Variants in GLYCTK observed in about 807,000 individuals in gnomAD.
GLYCTK encodes HBeAg binding protein 4.
GLYCTK carries 22 observed loss-of-function variants against 24.8 expected under a neutral mutation model. The observed-to-expected ratio is 0.89, with a 90% CI of 0.63 to 1.27. The LOEUF (loss-of-function observed/expected upper bound fraction) is 1.27. Among genes scored for constraint, GLYCTK ranks in the 50% most tolerant of loss-of-function variants. The pLI is 0.00. For synonymous variants in GLYCTK, 320 were observed against 297.2 expected (o/e 1.08, Z -0.79); for missense variants, 684 against 686.7 (o/e 1.00, Z 0.04).
rs778463102 is a variant in GLYCTK, at chr3:52,291,905, G to A, written c.688G>A (p.Ala230Thr). ...SQLKGGGLAQ[A>T]AYPAQVVSLI... ...GCTCAAGGGTGGGGGGCTGGCTCAG[G>A]CCGCCTACCCTGCCCAGGTATGAGT... is the stretch of plus-strand genomic sequence containing the variant. Residue 230 changes from alanine to threonine, a missense_variant, in exon 4 of 5, where the codon GCC (alanine) becomes ACC (threonine). Coordinates refer to ENST00000436784, the MANE Select transcript of GLYCTK (RefSeq NM_145262.4). 12 of 1,612,996 alleles carry A rather than the reference G, an allele frequency of 7.4e-6. No individual in the cohort carries two copies. The Admixed American group carries it at 2.0e-4, about 27-fold the overall frequency.
In GLYCTK at chr3:52,292,567, A is replaced by G. The variant is rs1265328589; in HGVS notation, c.1013A>G (p.Gln338Arg). ...YQAVVLSAAMQGDVKSMAQFY... is the reference protein window; with the variant it reads ...YQAVVLSAAMRGDVKSMAQFY... ...GCTGTGGTGCTGAGTGCAGCCATGC[A>G]AGGTGATGTAAAAAGTATGGCCCAG... The change falls in exon 5 of 5, where the codon CAA becomes CGA. Residue 338 changes from glutamine (Q) to arginine (R), a missense_variant. Gln to Arg is a conservative substitution (Grantham distance 43). Coordinates refer to ENST00000436784, the MANE Select transcript of GLYCTK (RefSeq NM_145262.4). 2 of 1,613,892 alleles carry G rather than the reference A, an allele frequency of 1.2e-6. No homozygotes were observed. The highest frequency in any genetic ancestry group is 1.7e-6 in the Non-Finnish European group (2 of 1,180,012).
At position 52,290,316 on chromosome 3, in the gene GLYCTK, G is replaced by T; in HGVS notation, c.-27G>T. On this transcript the variant is annotated 5_prime_UTR_variant, in exon 2 of 5. Coordinates refer to ENST00000436784, the MANE Select transcript of GLYCTK (RefSeq NM_145262.4). ...TTTTTCCCTCTAGGCAGCCATGGGTGCCAGGCAGTGCTGAGAGCAGTGGGG... is the reference window on the plus strand; with the variant it reads ...TTTTTCCCTCTAGGCAGCCATGGGTTCCAGGCAGTGCTGAGAGCAGTGGGG... 3.1e-6 allele frequency: 5 copies of T among 1,591,680 alleles called. No homozygotes were observed. The highest frequency in any genetic ancestry group is 4.3e-6 in the Non-Finnish European group (5 of 1,175,968).
At position 52,292,477 on chromosome 3, in the gene GLYCTK, T is replaced by C. The variant is rs1412546818; in HGVS notation, c.923T>C (p.Ile308Thr). ...ACCTGTGGCCATGTCCTGAATGTGATCATTGGCTCTAATGTGCTGGCGCTA... is the reference window on the plus strand; with the variant it reads ...ACCTGTGGCCATGTCCTGAATGTGACCATTGGCTCTAATGTGCTGGCGCTA... ...PHTCGHVLNV[I>T]IGSNVLALAE... The change falls in exon 5 of 5, where the codon ATC becomes ACC. Residue 308 changes from isoleucine to threonine, a missense_variant. Coordinates refer to ENST00000436784, the MANE Select transcript of GLYCTK (RefSeq NM_145262.4). 5 of 1,613,052 alleles carry C rather than the reference T, an allele frequency of 3.1e-6. No individual in the cohort carries two copies.
intron 2 of GLYCTK, 55 bp downstream of exon 2, chr3:52,290,774 C>A: frequency 6.3e-7 from 1 of 1,597,764 alleles, no homozygotes; most frequent in South Asian, 1.1e-5. Context: ...AAACCTGGGC[C>A]CAGACACAGG....
At chr3:52,291,694 G>A (rs1578028113) in intron 3 of GLYCTK, 53 bp from the exon 4 acceptor site, 1 of 1,570,126 alleles carries the variant, frequency 6.4e-7, no homozygotes, top group Non-Finnish European at 8.8e-7. Context: ...CTGCTTGCCT[G>A]GTTCCCTGGG....
Position 52,290,498 on chromosome 3 carries a change from C to T in GLYCTK, c.156C>T (p.Gly52=). 6.2e-7 allele frequency: 1 copy of T among 1,613,414 alleles called. No homozygotes were observed. The highest frequency in any genetic ancestry group is 8.5e-7 in the Non-Finnish European group (1 of 1,180,016). The part of the protein sequence containing the change: ...FESAVGAVLP[G]PMLHRALSLD... Reference sequence around the variant, plus strand: ...GTGCTGTAGGTGCAGTGCTGCCGGGCCCCATGCTGCACCGGGCACTATCCT... The same window carrying T: ...GTGCTGTAGGTGCAGTGCTGCCGGGTCCCATGCTGCACCGGGCACTATCCT... Residue 52 remains glycine, a synonymous_variant, in exon 2 of 5, where the codon GGC becomes GGT. Transcript: ENST00000436784.
intron 1 of GLYCTK, chr3:52,288,520 A>T (rs1700359965): frequency 6.6e-6 from 1 of 152,300 alleles, no homozygotes; most frequent in African/African-American, 2.4e-5. Flanking sequence ...ACGTCCAGTT[A>T]AATTTGAGTT....
chr3:52,294,028 A>T lies in GLYCTK; in HGVS notation c.*902A>T. The T allele has an allele frequency of 7.0e-6, 3 of 428,540 alleles. No individual in the cohort carries two copies. The highest frequency in any genetic ancestry group is 5.0e-5 in the South Asian group (3 of 60,192). 26.5% of individuals were successfully genotyped at this position (428,540 alleles called of 1,614,324 possible). A position where few individuals can be genotyped will look rare whatever the true frequency, so the allele number is the denominator to read the frequency against. On this transcript the variant is annotated 3_prime_UTR_variant, in exon 5 of 5. Coordinates refer to ENST00000436784, the MANE Select transcript of GLYCTK (RefSeq NM_145262.4). ...CTTCAGTGGGGGTCCCAGCACTGGG[A>T]TGGTGGGTCCAGCCAGTGATGAGGT...
Position 52,291,756 on chromosome 3 carries a change from C to T in GLYCTK, c.539C>T (p.Ser180Leu). ...CTCATTGTCTTGAGAGGTGGGGGTT[C>T]AGCTCTGCTGCCTGCCCCCATCCCA... is the stretch of plus-strand genomic sequence containing the variant. Reference protein sequence around the residue: ...LLLVLISGGGSALLPAPIPPV... With the variant: ...LLLVLISGGGLALLPAPIPPV... The change falls in exon 4 of 5, where the codon TCA (serine) becomes TTA (leucine). Residue 180 changes from serine (S) to leucine (L), a missense_variant. Ser to Leu is a moderately radical substitution (Grantham distance 145, BLOSUM62 -2). Transcript: ENST00000436784. The T allele has an allele frequency of 6.2e-7, 1 of 1,613,520 alleles. No homozygotes were observed. The highest frequency in any genetic ancestry group is 8.5e-7 in the Non-Finnish European group (1 of 1,179,980).
rs759478778 is a variant in GLYCTK at position 52,292,609 on chromosome 3, C to G, written c.1055C>G (p.Ala352Gly). Reference protein sequence around the residue: ...KSMAQFYGLLAHVARTRLTPS... With the variant: ...KSMAQFYGLLGHVARTRLTPS... ...ATGGCCCAGTTCTACGGGCTGCTGG[C>G]CCATGTGGCTAGAACCCGCCTCACC... The change falls in exon 5 of 5, where the codon GCC becomes GGC. Residue 352 changes from alanine to glycine, a missense_variant. Coordinates refer to ENST00000436784, the MANE Select transcript of GLYCTK (RefSeq NM_145262.4). 10 of 1,613,264 alleles carry G rather than the reference C, an allele frequency of 6.2e-6. No individual in the cohort carries two copies. In the Admixed American group the frequency reaches 1.0e-4, roughly 16 times the overall value.
At chr3:52,290,279 C>T in intron 1 of GLYCTK, 25 bp from the exon 2 acceptor site, 1 of 1,564,860 alleles carries the variant, frequency 6.4e-7, no homozygotes, top group Non-Finnish European at 8.6e-7. Context: ...CTTGCAAGGG[C>T]CTCAGTTGTG....
Position 52,290,532 on chromosome 3 carries a change from G to A in GLYCTK, c.190G>A (p.Gly64Ser). The A allele has an allele frequency of 6.2e-7, 1 of 1,613,628 alleles. No individual in the cohort carries two copies. Among genetic ancestry groups the A allele is most frequent in the Non-Finnish European group, 8.5e-7 (1 of 1,180,016 alleles). Residue 64 changes from glycine to serine, a missense_variant, in exon 2 of 5, where the codon GGT becomes AGT. Physicochemically the swap from Gly to Ser is moderately conservative, Grantham distance 56. Transcript: ENST00000436784. The part of the protein sequence containing the change: ...MLHRALSLDP[G>S]GRQLKVRDRN... ...GCACCGGGCACTATCCTTGGACCCT[G>A]GTGGCAGACAGCTGAAGGTGCGGGA... is the stretch of plus-strand genomic sequence containing the variant.
In GLYCTK at chr3:52,293,332, C is replaced by A. The variant is rs1338242500; in HGVS notation, c.*206C>A. 7 of 709,094 alleles carry A rather than the reference C, an allele frequency of 9.9e-6. No homozygotes were observed. The highest frequency in any genetic ancestry group is 1.8e-5 in the Non-Finnish European group (7 of 392,716). 43.9% of individuals were successfully genotyped at this position (709,094 alleles called of 1,614,324 possible). On this transcript the variant is annotated 3_prime_UTR_variant, in exon 5 of 5. Coordinates refer to ENST00000436784, the MANE Select transcript of GLYCTK (RefSeq NM_145262.4). ...CCAGACTGGCAGATGGGGGCTTCCC[C>A]CTACCCCTGAGGATGAGGACAAGCC...
chr3:52,291,500 C>T (rs1400569999), intron 3 of GLYCTK: 5 of 588,826 alleles, frequency 8.5e-6, no homozygotes, highest in Non-Finnish European at 1.5e-5. Context: ...CCTGCCCTGC[C>T]TCCTGTTCTA....
Position 52,290,408 on chromosome 3 carries a change from G to T in GLYCTK, c.66G>T (p.Arg22=), listed in dbSNP as rs774738815. The change falls in exon 2 of 5, where the codon CGG becomes CGT. Residue 22 remains arginine (R), a synonymous_variant. Transcript: ENST00000436784. ...ARAPLHPLLW[R]GSVARLASSM... ...CCCCCTTGCATCCACTCCTCTGGCGGGGCTCAGTGGCCCGTCTGGCCAGCA... is the reference window on the plus strand; with the variant it reads ...CCCCCTTGCATCCACTCCTCTGGCGTGGCTCAGTGGCCCGTCTGGCCAGCA... 2 of 1,609,624 alleles carry T rather than the reference G, an allele frequency of 1.2e-6. No individual in the cohort carries two copies. The highest frequency in any genetic ancestry group is 8.5e-7 in the Non-Finnish European group (1 of 1,179,944).
rs1221672728 is a variant in GLYCTK, at chr3:52,292,794, C to T, written c.1240C>T (p.Leu414=). Residue 414 remains leucine (L), a synonymous_variant, in exon 5 of 5, where the codon CTG becomes TTG. Transcript: ENST00000436784. The part of the protein sequence containing the change: ...LLAGGEPTVQ[L]QGSGRGGRNQ... Reference sequence around the variant, plus strand: ...GGCTGGTGGCGAGCCCACAGTACAGCTGCAGGGCTCGGGCAGGGGTGGCCG... The same window carrying T: ...GGCTGGTGGCGAGCCCACAGTACAGTTGCAGGGCTCGGGCAGGGGTGGCCG... The T allele has an allele frequency of 6.2e-7, 1 of 1,610,664 alleles. No individual in the cohort carries two copies. The highest frequency in any genetic ancestry group is 8.5e-7 in the Non-Finnish European group (1 of 1,178,730).
In GLYCTK at chr3:52,291,017, C is replaced by T. The variant is rs750686314; in HGVS notation, c.435C>T (p.Asn145=). ...RVQVFEGAED[N]LPDRDALRAA... ...AGGTATTCGAGGGTGCGGAGGACAA[C>T]CTCCCGGACCGCGATGCGCTGCGGG... Residue 145 remains asparagine, a synonymous_variant, in exon 3 of 5, where the codon AAC becomes AAT. Coordinates refer to ENST00000436784, the MANE Select transcript of GLYCTK (RefSeq NM_145262.4). The T allele has an allele frequency of 1.2e-6, 2 of 1,613,880 alleles. No homozygotes were observed. Among genetic ancestry groups the T allele is most frequent in the African/African-American group, 1.3e-5 (1 of 74,936 alleles).
Position 52,292,569 on chromosome 3 carries a change from G to A in GLYCTK, c.1015G>A (p.Gly339Ser), listed in dbSNP as rs1428243480. 1.2e-6 allele frequency: 2 copies of A among 1,614,086 alleles called. No individual in the cohort carries two copies. The highest frequency in any genetic ancestry group is 2.2e-5 in the East Asian group (1 of 44,884). Residue 339 changes from glycine (G) to serine (S), a missense_variant, in exon 5 of 5, where the codon GGT becomes AGT. By Grantham distance (56) the Gly-to-Ser change is moderately conservative. Coordinates refer to ENST00000436784, the MANE Select transcript of GLYCTK (RefSeq NM_145262.4). The part of the protein sequence containing the change: ...QAVVLSAAMQ[G>S]DVKSMAQFYG... Reference sequence around the variant, plus strand: ...TGTGGTGCTGAGTGCAGCCATGCAAGGTGATGTAAAAAGTATGGCCCAGTT... The same window carrying A: ...TGTGGTGCTGAGTGCAGCCATGCAAAGTGATGTAAAAAGTATGGCCCAGTT...
rs1352666897 is a variant in GLYCTK, at chr3:52,293,854, C to T, written c.*728C>T. 3 of 454,112 alleles carry T rather than the reference C, an allele frequency of 6.6e-6. No individual in the cohort carries two copies. In the Admixed American group the frequency reaches 7.0e-5, roughly 11 times the overall value. The allele number at this position is 454,112 out of a possible 1,614,324, so 28.1% of individuals were successfully genotyped here. On this transcript the variant is annotated 3_prime_UTR_variant, in exon 5 of 5. Transcript: ENST00000436784. ...GGATGTCCTTTCTGTCTTTGGACAG[C>T]CCTTAGCCACATACTGCACTTCTGG...
Sources: allele counts gnomAD v4.1 joint callset, GRCh38; gene constraint gnomAD v4.1.1; transcripts MANE v1.5; gene names NCBI Gene and HGNC (gene_info 2026-07-23, HGNC 2026-07-21).